The following FOXP1 variants were observed in gnomAD, a reference collection of about 807,000 sequenced individuals.
The protein encoded by FOXP1 is forkhead box protein P1.
In FOXP1, 15 loss-of-function variants were observed where a neutral mutation model predicts 98.2. The ratio of observed to expected loss-of-function variants is 0.15; its 90% CI spans 0.10 to 0.24. The LOEUF (loss-of-function observed/expected upper bound fraction) is 0.24, where lower values mean the gene tolerates loss of function less well. FOXP1 is among the 10% of genes least tolerant of loss of function. The pLI is 1.00. For missense variants in FOXP1, 633 were observed against 848.5 expected, an observed-to-expected ratio of 0.75 and a Z score of 3.15; for synonymous variants, 371 against 314.5, an observed-to-expected ratio of 1.18 and a Z score of -1.90.
intron 5 of FOXP1, among the ~76,000 whole-genome samples, chr3:71,242,199 C>A (rs1193108618): frequency 6.6e-6 from 1 of 152,184 alleles, no homozygotes; most frequent in African/African-American, 2.4e-5. Flanking sequence ...TTACTAACCC[C>A]CCATATTCAT....
chr3:71,319,011 C>A (rs910867025), intron 4 of FOXP1, among the ~76,000 whole-genome samples: 6 of 152,136 alleles, frequency 3.9e-5, no homozygotes, highest in Non-Finnish European at 7.3e-5. Context: ...CAGGGTACCC[C>A]AAAGAGGGCA....
chr3:71,392,446 TA>T (rs952314496), intron 3 of FOXP1, among the ~76,000 whole-genome samples: 6 of 152,022 alleles, frequency 3.9e-5, no homozygotes, highest in African/African-American at 7.3e-5. Flanking sequence ...TCTTTTTGTT[TA>T]AAAAAAAGGA....
chr3:71,372,139 A>G, intron 3 of FOXP1, among the ~76,000 whole-genome samples: 1 of 149,788 alleles, frequency 6.7e-6, no homozygotes, highest in Non-Finnish European at 1.5e-5. Flanking sequence ...CAGCCTCCCA[A>G]TTAGCTGGGA....
At position 71,233,592 on chromosome 3, in the gene FOXP1, CTT is replaced by C. The variant is rs34054213; in HGVS notation, c.-11-35202_-11-35201del. ...CAAATGCCCACGACCATGTTTGACT[CTT>C]TTTTTTTTTTTTTTTTTTGGTATTT... On this transcript the variant is annotated intron_variant, in intron 5 of 20. Coordinates refer to ENST00000649528, the MANE Select transcript of FOXP1 (RefSeq NM_001349338.3). Among the ~76,000 whole-genome samples the C allele has an allele frequency of 3.9e-3, 422 of 108,658 alleles. 1 individual carries two copies. The highest frequency in any genetic ancestry group is 0.014 in the Middle Eastern group (3 of 212). The allele number at this position is 108,658 out of a possible 152,430, so 71.3% of individuals were successfully genotyped here.
intron 3 of FOXP1, among the ~76,000 whole-genome samples, chr3:71,418,781 G>A (rs965399647): frequency 2.0e-5 from 3 of 152,006 alleles, no homozygotes; most frequent in African/African-American, 4.8e-5. Flanking sequence ...TGTCACTATC[G>A]CAAGAATTAA....
intron 3 of FOXP1, among the ~76,000 whole-genome samples, chr3:71,436,293 G>T (rs532395388): frequency 6.6e-6 from 1 of 151,986 alleles, no homozygotes; most frequent in Non-Finnish European, 1.5e-5. Flanking sequence ...ACATTACTAC[G>T]CTAAAACCTG....
At chr3:71,350,549 T>C (rs556459182) in intron 4 of FOXP1, among the ~76,000 whole-genome samples, 1 of 152,162 alleles carries the variant, frequency 6.6e-6, no homozygotes, top group African/African-American at 2.4e-5. Flanking sequence ...GAAGAATGAA[T>C]AGAAGGAAGG....
intron 5 of FOXP1, among the ~76,000 whole-genome samples, chr3:71,236,745 T>A (rs1481599106): frequency 6.6e-6 from 1 of 151,630 alleles, no homozygotes; most frequent in African/African-American, 2.4e-5. Context: ...GTGATGGTGG[T>A]TTCCACAGTC....
At chr3:71,499,244 G>C (rs763498036) in intron 2 of FOXP1, among the ~76,000 whole-genome samples, 1 of 152,108 alleles carries the variant, frequency 6.6e-6, no homozygotes. Flanking sequence ...CTCTCTCTGG[G>C]TTCTTTCAGC....
At chr3:71,533,579 A>G (rs2044038792) in intron 2 of FOXP1, among the ~76,000 whole-genome samples, 1 of 152,094 alleles carries the variant, frequency 6.6e-6, no homozygotes, top group South Asian at 2.1e-4. Flanking sequence ...CAGATTTTCG[A>G]CTGTGTGGAA....
At chr3:71,347,826 A>C (rs781515258) in intron 4 of FOXP1, among the ~76,000 whole-genome samples, 3 of 151,966 alleles carry the variant, frequency 2.0e-5, no homozygotes, top group Non-Finnish European at 2.9e-5. Context: ...CGGAGGTTGC[A>C]GTGAGCAGAG....
intron 14 of FOXP1, among the ~76,000 whole-genome samples, 199 bp from the exon 15 acceptor site, chr3:70,978,228 C>T (rs1015060742): frequency 1.7e-4 from 26 of 152,186 alleles, no homozygotes; most frequent in African/African-American, 5.1e-4. Context: ...TCTCTGGCAG[C>T]GGTCTCTTTT....
intron 3 of FOXP1, among the ~76,000 whole-genome samples, chr3:71,391,002 C>T (rs961865537): frequency 2.0e-5 from 3 of 152,208 alleles, no homozygotes; most frequent in African/African-American, 4.8e-5. Flanking sequence ...ACTCCTGCTC[C>T]ATCTAAGTTC....
At chr3:71,228,501 GT>G (rs887389905) in intron 5 of FOXP1, among the ~76,000 whole-genome samples, 2 of 151,914 alleles carry the variant, frequency 1.3e-5, no homozygotes, top group African/African-American at 4.8e-5. Context: ...CTCTTTTTTC[GT>G]TAAATACAGT....
chr3:71,279,849 C>T (rs1248034702), intron 5 of FOXP1, among the ~76,000 whole-genome samples: 1 of 151,984 alleles, frequency 6.6e-6, no homozygotes, highest in African/African-American at 2.4e-5. Flanking sequence ...GCAGGCCAGG[C>T]GCGGTGGCTC....
intron 7 of FOXP1, among the ~76,000 whole-genome samples, chr3:71,055,408 G>A (rs1315226298): frequency 4.6e-5 from 7 of 152,114 alleles, no homozygotes; most frequent in Admixed American, 3.3e-4. Context: ...TATTCCAGTG[G>A]CCTTTTAAGT....
At chr3:70,970,608 GTGCACTTAAGAA>G (rs1270551399) in intron 19 of FOXP1, 116 bp downstream of exon 19, 12 of 829,786 alleles carry the variant, frequency 1.4e-5, no homozygotes, top group Non-Finnish European at 2.3e-5. Flanking sequence ...ATGATGCTTT[GTGCACTTAAGAA>G]AAAAGTTTAA....
chr3:71,442,396 A>G (rs2086019545), intron 3 of FOXP1, among the ~76,000 whole-genome samples: 1 of 150,800 alleles, frequency 6.6e-6, no homozygotes, highest in Non-Finnish European at 1.5e-5. Context: ...AAAAAAAACC[A>G]CATTCAGAGA....
chr3:71,515,508 G>C (rs2042517059), intron 2 of FOXP1, among the ~76,000 whole-genome samples: 1 of 150,856 alleles, frequency 6.6e-6, no homozygotes, highest in Non-Finnish European at 1.5e-5. Flanking sequence ...CGCTTGCAGG[G>C]TAACAGTCAT....
Sources: gnomAD v4.1 joint callset for allele counts (sites outside exome capture counted in the v4.1 genomes callset) on GRCh38, gnomAD v4.1.1 for gene constraint, MANE v1.5 for transcripts, NCBI Gene and HGNC (gene_info 2026-07-23, HGNC 2026-07-21) for gene names.